The following DOCK3 variants were observed in gnomAD, a reference collection of about 807,000 sequenced individuals.
DOCK3 encodes the protein dedicator of cytokinesis protein 3.
A neutral mutation model predicts 265.6 loss-of-function variants in DOCK3; 60 were observed. The observed-to-expected ratio is 0.23, with a 90% CI of 0.18 to 0.28. The LOEUF (loss-of-function observed/expected upper bound fraction) is 0.28. Among genes scored for constraint, DOCK3 ranks in the 10% least tolerant of loss-of-function variants. The pLI, the probability that DOCK3 is intolerant of heterozygous loss-of-function variation, is 1.00. For synonymous variants in DOCK3, 881 were observed against 938.0 expected (o/e 0.94, Z 1.11); for missense variants, 1,981 against 2,594.3 (o/e 0.76, Z 5.14).
At chr3:51,280,010 T>C in intron 26 of DOCK3, 96 bp from the exon 27 acceptor site, 1 of 942,964 alleles carries the variant, frequency 1.1e-6, no homozygotes, top group Non-Finnish European at 1.6e-6. Context: ...ATTGGGGCCA[T>C]CTCAGACCCT....
At chr3:51,279,113 A>G (rs983389660) in intron 26 of DOCK3, among the ~76,000 whole-genome samples, 1 of 152,022 alleles carries the variant, frequency 6.6e-6, no homozygotes, top group Non-Finnish European at 1.5e-5. Flanking sequence ...TTAGCCGGGC[A>G]TGGTGGTGGG....
intron 2 of DOCK3, among the ~76,000 whole-genome samples, chr3:50,782,847 C>T (rs972180465): frequency 1.3e-5 from 2 of 151,834 alleles, no homozygotes; most frequent in African/African-American, 4.8e-5. Flanking sequence ...GCCTTTGCAT[C>T]CTCATAGCTT....
At chr3:50,801,780 ATTGCT>A (rs2043082201) in intron 2 of DOCK3, among the ~76,000 whole-genome samples, 2 of 152,300 alleles carry the variant, frequency 1.3e-5, no homozygotes, top group South Asian at 4.1e-4. Context: ...TGATCTGTCC[ATTGCT>A]GAGAGTGGAG....
Position 50,677,990 on chromosome 3 carries a change from T to G in DOCK3, c.37+2690T>G, listed in dbSNP as rs547988252. On this transcript the variant is annotated intron_variant, in intron 1 of 52. Coordinates refer to ENST00000266037, the MANE Select transcript of DOCK3 (RefSeq NM_004947.5). ...AGTGTGCCTGGGACTCTCACTTAGG[T>G]AACCCCATGTCGATTCCCAGAGTAG... is the stretch of plus-strand genomic sequence containing the variant. Among the ~76,000 whole-genome samples the G allele has an allele frequency of 3.9e-5, 6 of 152,206 alleles. No individual in the cohort carries two copies. The South Asian group carries it at 1.2e-3, about 32-fold the overall frequency.
intron 5 of DOCK3, among the ~76,000 whole-genome samples, chr3:51,030,917 A>G (rs1475695207): frequency 6.6e-6 from 1 of 152,180 alleles, no homozygotes; most frequent in East Asian, 1.9e-4. Context: ...GATTGGGAAA[A>G]TGGCATGCAA....
chr3:51,150,456 T>G (rs1421725562), intron 10 of DOCK3, among the ~76,000 whole-genome samples: 1 of 152,254 alleles, frequency 6.6e-6, no homozygotes, highest in Non-Finnish European at 1.5e-5. Flanking sequence ...TCTTTCCTGC[T>G]TTCTCTTGTG....
chr3:50,726,583 G>T (rs1559556879), intron 1 of DOCK3, among the ~76,000 whole-genome samples: 5 of 152,164 alleles, frequency 3.3e-5, no homozygotes, highest in African/African-American at 1.2e-4. Context: ...AGGCCAGTCT[G>T]CAAAGACTAG....
chr3:50,880,169 A>T (rs937752924), intron 3 of DOCK3, among the ~76,000 whole-genome samples: 7 of 152,366 alleles, frequency 4.6e-5, no homozygotes, highest in African/African-American at 1.7e-4. Context: ...AATGCCCACA[A>T]GAGAAAGCAG....
At chr3:51,167,435 T>C (rs2107597327) in intron 12 of DOCK3, among the ~76,000 whole-genome samples, 1 of 152,350 alleles carries the variant, frequency 6.6e-6, no homozygotes, top group Non-Finnish European at 1.5e-5. Context: ...CAGAGACTTT[T>C]GTGGTTCCAT....
intron 12 of DOCK3, among the ~76,000 whole-genome samples, chr3:51,188,028 T>C (rs571934733): frequency 6.6e-6 from 1 of 152,338 alleles, no homozygotes; most frequent in East Asian, 1.9e-4. Flanking sequence ...TAGTGACTTA[T>C]AAGCTATTAG....
intron 21 of DOCK3, among the ~76,000 whole-genome samples, chr3:51,245,158 A>G (rs62257481): frequency 0.82 from 124,709 of 151,754 alleles, 51,825 homozygotes; most frequent in Middle Eastern, 0.9. Context: ...GTGAAATCCC[A>G]TCTCTACTAA....
At position 51,356,460 on chromosome 3, in the gene DOCK3, C is replaced by G. The variant is rs747610558; in HGVS notation, c.4470C>G (p.Ile1490Met). The G allele has an allele frequency of 6.2e-7, 1 of 1,613,690 alleles. No homozygotes were observed. The highest frequency in any genetic ancestry group is 1.7e-5 in the Admixed American group (1 of 60,024). The change falls in exon 43 of 53, where the codon ATC becomes ATG. Residue 1490 changes from isoleucine (I) to methionine (M), a missense_variant. Around this residue, in one of 4 missense-constraint regions of DOCK3, gnomAD observed 1,357 missense variants for 1,866.8 expected, o/e 0.73. Coordinates refer to ENST00000266037, the MANE Select transcript of DOCK3 (RefSeq NM_004947.5). The stretch of plus-strand genomic sequence containing the variant: ...CCCTGACCCACAGCTTGCCTGGCAT[C>G]TCTCGGTGGTTTGAAGTGGAGAGGA... ...TLTLTHSLPG[I>M]SRWFEVERRE...
At chr3:50,740,070 A>G (rs1284305700) in intron 1 of DOCK3, among the ~76,000 whole-genome samples, 3 of 152,000 alleles carry the variant, frequency 2.0e-5, no homozygotes, top group Admixed American at 1.3e-4. Context: ...CTGTCACTGT[A>G]TATTACTTTG....
chr3:50,811,534 A>G (rs2043756447), intron 2 of DOCK3, among the ~76,000 whole-genome samples: 1 of 152,204 alleles, frequency 6.6e-6, no homozygotes, highest in Admixed American at 6.5e-5. Context: ...AGTTTGAGAA[A>G]ACTGAAATGT....
At chr3:50,731,836 A>G (rs147687097) in intron 1 of DOCK3, among the ~76,000 whole-genome samples, 161 of 152,334 alleles carry the variant, frequency 1.1e-3, no homozygotes, top group African/African-American at 3.7e-3. Context: ...CACAACTTCT[A>G]TTTGACATTG....
chr3:50,829,066 G>GATTTATTT (rs769606246), intron 2 of DOCK3, among the ~76,000 whole-genome samples: 3 of 151,788 alleles, frequency 2.0e-5, no homozygotes, highest in African/African-American at 7.3e-5. Context: ...TTCTATCTGG[G>GATTTATTT]ATTTATTTAT....
chr3:50,887,974 A>C (rs1300167766), intron 3 of DOCK3, among the ~76,000 whole-genome samples: 1 of 151,924 alleles, frequency 6.6e-6, no homozygotes, highest in Non-Finnish European at 1.5e-5. Context: ...CTCTCTCACC[A>C]CTCCTGTTCA....
chr3:51,356,611 T>G lies in DOCK3; in HGVS notation c.4503+118T>G. 5.1e-6 allele frequency: 5 copies of G among 975,268 alleles called. No homozygotes were observed. In the South Asian group the frequency reaches 7.2e-5, roughly 14 times the overall value. 60.4% of individuals were successfully genotyped at this position (975,268 alleles called of 1,614,324 possible). On this transcript the variant is annotated intron_variant, in intron 43 of 52. Coordinates refer to ENST00000266037, the MANE Select transcript of DOCK3 (RefSeq NM_004947.5). ...CGTCGGCCACCTGCCTGGCCAAGGC[T>G]CCCACAGGTCAACCCTGTGCTAGGA...
At chr3:51,233,752 G>A (rs7651141) in intron 19 of DOCK3, among the ~76,000 whole-genome samples, 124,937 of 152,122 alleles carry the variant, frequency 0.82, 51,904 homozygotes, top group Middle Eastern at 0.9. Context: ...TTTTGTGTAT[G>A]GCTACTGTAA....
Sources: gnomAD v4.1 joint callset for allele counts (sites outside exome capture counted in the v4.1 genomes callset) on GRCh38, gnomAD v4.1.1 for gene constraint, gnomAD v4.1.1 regional missense constraint, MANE v1.5 for transcripts, NCBI Gene and HGNC (gene_info 2026-07-23, HGNC 2026-07-21) for gene names.